CEP164: variants seen among roughly 807,000 people sequenced by gnomAD.
CEP164 encodes centrosomal protein of 164 kDa.
A neutral mutation model predicts 182.7 loss-of-function variants in CEP164; 162 were observed. That is an observed-to-expected ratio of 0.89 (90% CI 0.78 to 1.01). CEP164 has a LOEUF of 1.01. Ranked by LOEUF, CEP164 falls within the 50% of genes least tolerant of loss-of-function variation. CEP164 has a pLI of 0.00. For synonymous variants in CEP164, 661 were observed against 690.0 expected, an observed-to-expected ratio of 0.96 and a Z score of 0.66; for missense variants, 1,735 against 1,790.4, an observed-to-expected ratio of 0.97 and a Z score of 0.56.
rs11216359 is a variant in CEP164 at position 117,334,678 on chromosome 11, G to A, written c.-97-927G>A. Reference sequence around the variant, plus strand: ...GGGGTGCCTGTAATCCCAGCTACTCGGGCAGCTGAGGCAAGAGACTAGCTT... The same window carrying A: ...GGGGTGCCTGTAATCCCAGCTACTCAGGCAGCTGAGGCAAGAGACTAGCTT... On this transcript the variant is annotated intron_variant, in intron 1 of 32. Coordinates refer to ENST00000278935, the MANE Select transcript of CEP164 (RefSeq NM_014956.5). Among the ~76,000 whole-genome samples the A allele has an allele frequency of 1.5e-3, 228 of 151,794 alleles. 1 individual carries two copies. Among genetic ancestry groups the A allele is most frequent in the East Asian group, 3.1e-3 (16 of 5,158 alleles).
In CEP164 at chr11:117,381,906, C is replaced by T. The variant is rs1318908866; in HGVS notation, c.1577+38C>T. The T allele has an allele frequency of 1.3e-5, 17 of 1,299,850 alleles. No homozygotes were observed. In the South Asian group the frequency reaches 1.9e-4, roughly 15 times the overall value. The allele number at this position is 1,299,850 out of a possible 1,614,324, so 80.5% of individuals were successfully genotyped here. On this transcript the variant is annotated intron_variant, in intron 13 of 32. Coordinates refer to ENST00000278935, the MANE Select transcript of CEP164 (RefSeq NM_014956.5). The stretch of plus-strand genomic sequence containing the variant: ...GGAAGCATCCTCATGAGGATGAGGG[C>T]TGGTGGCTGCTCTGTGTGTAGTGGG...
chr11:117,338,511 CCT>C, intron 2 of CEP164, 53 bp from the exon 3 acceptor site: 2 of 1,329,874 alleles, frequency 1.5e-6, no homozygotes, highest in South Asian at 1.2e-5. Flanking sequence ...CAACTTTTCC[CCT>C]GTTAAGCTTG....
rs1041908030 is a variant in CEP164 at position 117,411,460 on chromosome 11, T to G, written c.4164-335T>G. 2 of 320,024 alleles carry G rather than the reference T, an allele frequency of 6.2e-6. No homozygotes were observed. Among genetic ancestry groups the G allele is most frequent in the African/African-American group, 4.2e-5 (2 of 47,332 alleles). 19.8% of individuals were successfully genotyped at this position (320,024 alleles called of 1,614,324 possible). ...ACAGTGAGTACCCCCCACTAACCCTTTGGCCAACTTGAGAGCTGATGCTGG... is the reference window on the plus strand; with the variant it reads ...ACAGTGAGTACCCCCCACTAACCCTGTGGCCAACTTGAGAGCTGATGCTGG... On this transcript the variant is annotated intron_variant, in intron 31 of 32. Transcript: ENST00000278935. The surrounding 1 kb of genome is among the most constrained non-coding windows in gnomAD (Gnocchi z 4.4).
At chr11:117,367,528 A>AT (rs907549299) in intron 8 of CEP164, among the ~76,000 whole-genome samples, 3 of 151,760 alleles carry the variant, frequency 2.0e-5, no homozygotes, top group South Asian at 2.1e-4. Context: ...TCTCTTTTTA[A>AT]TTTTTTTTTA....
At chr11:117,380,811 T>G (rs1320344576) in intron 12 of CEP164, 106 bp downstream of exon 12, 1 of 958,302 alleles carries the variant, frequency 1.0e-6, no homozygotes, top group African/African-American at 1.6e-5. Context: ...TACAGTTGCT[T>G]GGCAGCAGGT....
chr11:117,356,029 C>T lies in CEP164; in HGVS notation c.393+4041C>T, dbSNP rs1027277209. 5.3e-6 allele frequency: 6 copies of T among 1,137,890 alleles called. 1 individual carries two copies. In the Admixed American group the frequency reaches 2.0e-4, roughly 37 times the overall value. 70.5% of individuals were successfully genotyped at this position (1,137,890 alleles called of 1,614,324 possible). ...GCAGCAGCAGCAGCAGCAACAGCAA[C>T]CTGGCCTCACACCTGGGCTCTCCTG... On this transcript the variant is annotated intron_variant, in intron 5 of 32. Transcript: ENST00000278935.
intron 24 of CEP164, 94 bp from the exon 25 acceptor site, chr11:117,395,959 TG>T: frequency 6.5e-7 from 1 of 1,535,074 alleles, no homozygotes; most frequent in Non-Finnish European, 8.9e-7. Flanking sequence ...CTTTGACGGA[TG>T]GGAGTGAGGG....
At chr11:117,410,114 T>G (rs953043766) in intron 30 of CEP164, 149 bp downstream of exon 30, 2 of 781,676 alleles carry the variant, frequency 2.6e-6, no homozygotes, top group Middle Eastern at 2.2e-4. Flanking sequence ...GTTACCATAG[T>G]CCATTGGTCC....
chr11:117,376,015 A>T (rs1352661311), intron 11 of CEP164, among the ~76,000 whole-genome samples: 2 of 152,264 alleles, frequency 1.3e-5, no homozygotes, highest in Admixed American at 1.3e-4. Flanking sequence ...TTATCCATTT[A>T]TCCACTCATT....
Position 117,411,042 on chromosome 11 carries a change from C to T in CEP164, c.4163+148C>T, listed in dbSNP as rs1028511451. On this transcript the variant is annotated intron_variant, in intron 31 of 32. Coordinates refer to ENST00000278935, the MANE Select transcript of CEP164 (RefSeq NM_014956.5). This position sits in a 1 kb window ranked among gnomAD's most constrained non-coding sequence, Gnocchi z 4.4. ...GGCCTCTAGTCCACAGAGCTGTCCCCGCTTGCCTGGGTCTGAGGCGCCCCT... is the reference window on the plus strand; with the variant it reads ...GGCCTCTAGTCCACAGAGCTGTCCCTGCTTGCCTGGGTCTGAGGCGCCCCT... The T allele has an allele frequency of 3.4e-5, 24 of 697,296 alleles. No homozygotes were observed. The highest frequency in any genetic ancestry group is 1.9e-4 in the African/African-American group (11 of 56,968). The allele number at this position is 697,296 out of a possible 1,614,324, so 43.2% of individuals were successfully genotyped here. A position where few individuals can be genotyped will look rare whatever the true frequency, so the allele number is the denominator to read the frequency against.
Position 117,397,312 on chromosome 11 carries a change from A to G in CEP164, c.3500A>G (p.Lys1167Arg), listed in dbSNP as rs1442634987. ...GAAGATATGCGCAAGAACCTGGAGA[A>G]GGTCAGGAGCTTTGGGAAGGGCCTG... Reference protein sequence around the residue: ...ALEDMRKNLEKETRHLDEMKS... With the variant: ...ALEDMRKNLERETRHLDEMKS... The change falls in exon 27 of 33, where the codon AAG (lysine) becomes AGG (arginine). Residue 1167 changes from lysine (K) to arginine (R), a missense_variant and splice_region_variant. By Grantham distance (26) the Lys-to-Arg change is conservative. Coordinates refer to ENST00000278935, the MANE Select transcript of CEP164 (RefSeq NM_014956.5). The G allele has an allele frequency of 1.2e-6, 2 of 1,610,724 alleles. No homozygotes were observed.
chr11:117,362,056 A>G (rs546289402), intron 6 of CEP164, 63 bp downstream of exon 6: 476 of 1,422,744 alleles, frequency 3.3e-4, no homozygotes, highest in Non-Finnish European at 4.3e-4. Context: ...GTGCCATACC[A>G]GGAACTATGG....
chr11:117,399,156 C>A (rs1409178500), intron 27 of CEP164, among the ~76,000 whole-genome samples: 1 of 152,054 alleles, frequency 6.6e-6, no homozygotes, highest in Non-Finnish European at 1.5e-5. Flanking sequence ...CTGACAGGCC[C>A]CGGTGTGTGA....
Position 117,396,094 on chromosome 11 carries a change from A to G in CEP164, c.3130A>G (p.Arg1044Gly). Residue 1044 changes from arginine to glycine, a missense_variant, in exon 25 of 33, where the codon AGA (arginine) becomes GGA (glycine). Physicochemically the swap from Arg to Gly is moderately radical, Grantham distance 125. Transcript: ENST00000278935. ...AEAQKKQHLL[R>G]EVTVEENNAS... is the part of the protein sequence containing the mutation. Reference sequence around the variant, plus strand: ...AGCTCAAAAGAAGCAGCACCTGTTGAGAGAAGTGACAGTTGAGGAAAATAA... The same window carrying G: ...AGCTCAAAAGAAGCAGCACCTGTTGGGAGAAGTGACAGTTGAGGAAAATAA... The G allele has an allele frequency of 1.2e-6, 2 of 1,613,662 alleles. No individual in the cohort carries two copies. The highest frequency in any genetic ancestry group is 8.5e-7 in the Non-Finnish European group (1 of 1,179,740).
chr11:117,409,922 G>T lies in CEP164; in HGVS notation c.4053G>T (p.Thr1351=). 1 of 1,613,988 alleles carries T rather than the reference G, an allele frequency of 6.2e-7. No homozygotes were observed. Among genetic ancestry groups the T allele is most frequent in the Non-Finnish European group, 8.5e-7 (1 of 1,180,020 alleles). The change falls in exon 30 of 33, where the codon ACG becomes ACT. Residue 1351 remains threonine (T), a synonymous_variant. Coordinates refer to ENST00000278935, the MANE Select transcript of CEP164 (RefSeq NM_014956.5). The surrounding 1 kb of genome is among the most constrained non-coding windows in gnomAD (Gnocchi z 4.4). ...GGCTCCCCTCCTCTGTGGCTCAAAC[G>T]GTGGACGACTTCCTGTTGGAGAAGT... is the stretch of plus-strand genomic sequence containing the variant. ...GPRLPSSVAQ[T]VDDFLLEKWR...
In CEP164 at chr11:117,391,142, A is replaced by G; in HGVS notation, c.2210A>G (p.Gln737Arg). ...ATAGAGGCTTCGGAGAAGAGCGAGC[A>G]GGCTGCCCTGAATGCTGCAAAGGAG... Reference protein sequence around the residue: ...EEIEASEKSEQAALNAAKEKA... With the variant: ...EEIEASEKSERAALNAAKEKA... Residue 737 changes from glutamine (Q) to arginine (R), a missense_variant, in exon 17 of 33, where the codon CAG (glutamine) becomes CGG (arginine). Gln to Arg is a conservative substitution (Grantham distance 43, BLOSUM62 1). Transcript: ENST00000278935. 6.2e-7 allele frequency: 1 copy of G among 1,613,840 alleles called. No individual in the cohort carries two copies. The highest frequency in any genetic ancestry group is 8.5e-7 in the Non-Finnish European group (1 of 1,179,964).
In CEP164 at chr11:117,329,839, CTTTTTTTTTTTT is replaced by C. The variant is rs61429989; in HGVS notation, c.-98+1947_-98+1958del. Reference sequence around the variant, plus strand: ...ACAGGCGTGAGCCACTGCGCCTGGCCTTTTTTTTTTTTTTTTTTTTTTTAACTTTGCTAAGCC... The same window carrying C: ...ACAGGCGTGAGCCACTGCGCCTGGCCTTTTTTTTTTTAACTTTGCTAAGCC... On this transcript the variant is annotated intron_variant, in intron 1 of 32. Transcript: ENST00000278935. 6.4e-4 allele frequency among the ~76,000 whole-genome samples: 61 copies of C among 95,564 alleles called. 1 individual carries two copies. Among genetic ancestry groups the C allele is most frequent in the Middle Eastern group, 7.5e-3 (1 of 134 alleles). 62.7% of individuals were successfully genotyped at this position (95,564 alleles called of 152,430 possible). A position where few individuals can be genotyped will look rare whatever the true frequency, so the allele number is the denominator to read the frequency against.
chr11:117,367,526 T>A (rs1270324486), intron 8 of CEP164, among the ~76,000 whole-genome samples: 1 of 152,224 alleles, frequency 6.6e-6, no homozygotes, highest in Non-Finnish European at 1.5e-5. Flanking sequence ...TCTCTCTTTT[T>A]AATTTTTTTT....
intron 4 of CEP164, among the ~76,000 whole-genome samples, chr11:117,349,163 C>T (rs979190745): frequency 1.6e-4 from 24 of 152,178 alleles, no homozygotes; most frequent in Admixed American, 2.6e-4. Context: ...GCTGGGATTA[C>T]AGGCACGTGC....
Sources: allele counts gnomAD v4.1 joint callset (sites outside exome capture counted in the v4.1 genomes callset), GRCh38; gene constraint gnomAD v4.1.1; non-coding constraint Gnocchi (gnomAD v3.1); transcripts MANE v1.5; gene names NCBI Gene and HGNC (gene_info 2026-07-23, HGNC 2026-07-21).